Variants in C12orf42 observed in about 807,000 individuals in gnomAD.
The protein encoded by C12orf42 is uncharacterized protein C12orf42.
A neutral mutation model predicts 21.6 loss-of-function variants in C12orf42; 25 were observed. The observed-to-expected ratio is 1.16, with a 90% CI of 0.84 to 1.62. The LOEUF (loss-of-function observed/expected upper bound fraction) is 1.62. Ranked by LOEUF, C12orf42 falls within the 40% of genes most tolerant of loss-of-function variation. C12orf42 has a pLI of 0.00. For synonymous variants in C12orf42, 174 were observed against 175.0 expected, an observed-to-expected ratio of 0.99 and a Z score of 0.05; for missense variants, 483 against 459.3, an observed-to-expected ratio of 1.05 and a Z score of -0.47.
At chr12:103,481,122 CTTT>C (rs1463386677) in intron 1 of C12orf42, among the ~76,000 whole-genome samples, 1 of 151,726 alleles carries the variant, frequency 6.6e-6, no homozygotes, top group Non-Finnish European at 1.5e-5. Context: ...TAGCTTTCTT[CTTT>C]ATCTCTACCA....
the C12orf42 span, among the ~76,000 whole-genome samples, chr12:103,112,188 G>A: frequency 7.9e-5 from 12 of 152,194 alleles, no homozygotes; most frequent in Admixed American, 6.5e-5. Flanking sequence ...AGGAGGCCTG[G>A]CCAGGATGAG....
At chr12:103,189,531 AG>A in the C12orf42 span, among the ~76,000 whole-genome samples, 4 of 152,252 alleles carry the variant, frequency 2.6e-5, no homozygotes, top group Non-Finnish European at 5.9e-5. Context: ...TGAAGAGTGT[AG>A]GAAGGACAGT....
chr12:103,524,631 T>C, the C12orf42 span, among the ~76,000 whole-genome samples: 1 of 152,222 alleles, frequency 6.6e-6, no homozygotes. Flanking sequence ...TTATTTGAAA[T>C]GTGTAATCCA....
At chr12:103,051,937 A>T in the C12orf42 span, among the ~76,000 whole-genome samples, 2 of 152,282 alleles carry the variant, frequency 1.3e-5, no homozygotes, top group South Asian at 4.1e-4. Flanking sequence ...CTATTTCTAA[A>T]CTTCATTAAA....
At chr12:103,551,951 A>C in the C12orf42 span, among the ~76,000 whole-genome samples, 1 of 152,222 alleles carries the variant, frequency 6.6e-6, no homozygotes, top group South Asian at 2.1e-4. Flanking sequence ...AGTGAGATTT[A>C]TACAGACTTT....
At chr12:103,112,157 G>T in the C12orf42 span, among the ~76,000 whole-genome samples, 4 of 152,310 alleles carry the variant, frequency 2.6e-5, no homozygotes, top group Non-Finnish European at 5.9e-5. Flanking sequence ...GTGTTTTCTA[G>T]CCTGTGGATG....
In C12orf42 at chr12:103,482,298, C is replaced by A. The variant is rs149122378; in HGVS notation, c.-21-3851G>T. ...GAAACGTCTTTATTTTATCCTTGCACTTGAATATAGTTTTGCTGGGTGTGC... is the reference window on the plus strand; with the variant it reads ...GAAACGTCTTTATTTTATCCTTGCAATTGAATATAGTTTTGCTGGGTGTGC... On this transcript the variant is annotated intron_variant, in intron 1 of 5. Transcript: ENST00000548883. Among the ~76,000 whole-genome samples the A allele has an allele frequency of 2.0e-4, 31 of 152,164 alleles. No homozygotes were observed. The East Asian group carries it at 6.0e-3, about 29-fold the overall frequency.
the C12orf42 span, among the ~76,000 whole-genome samples, chr12:103,220,675 A>G: frequency 2.7e-4 from 39 of 144,332 alleles, no homozygotes; most frequent in African/African-American, 9.7e-4. Context: ...TTTGACGACC[A>G]TTGCTTTTGA....
At chr12:103,473,903 T>A (rs1448707335) in intron 2 of C12orf42, among the ~76,000 whole-genome samples, 4 of 152,226 alleles carry the variant, frequency 2.6e-5, no homozygotes, top group African/African-American at 9.7e-5. Context: ...TAAATACTGG[T>A]TAATTTTAAA....
intron 3 of C12orf42, among the ~76,000 whole-genome samples, chr12:103,381,964 T>C (rs903342809): frequency 6.6e-6 from 1 of 151,164 alleles, no homozygotes; most frequent in African/African-American, 2.4e-5. Context: ...AGTCTCCTCA[T>C]CTGTACAGTG....
chr12:103,194,819 G>A, the C12orf42 span, among the ~76,000 whole-genome samples: 5 of 152,224 alleles, frequency 3.3e-5, no homozygotes, highest in East Asian at 7.7e-4. Flanking sequence ...TTTTGTTTCA[G>A]GAAGTACATG....
chr12:103,051,534 A>C, the C12orf42 span, among the ~76,000 whole-genome samples: 9 of 152,356 alleles, frequency 5.9e-5, no homozygotes, highest in South Asian at 4.1e-4. Flanking sequence ...CTATTGTCAC[A>C]TAAAATGTAA....
the C12orf42 span, among the ~76,000 whole-genome samples, chr12:103,510,530 T>C: frequency 6.6e-6 from 1 of 151,646 alleles, no homozygotes; most frequent in African/African-American, 2.4e-5. Context: ...AAAACAAAAG[T>C]AAAAAAAATA....
chr12:103,224,251 G>A, the C12orf42 span, among the ~76,000 whole-genome samples: 25 of 152,110 alleles, frequency 1.6e-4, no homozygotes, highest in Admixed American at 3.3e-4. Context: ...GAAGGGAGGC[G>A]GCCTGAATAA....
the C12orf42 span, among the ~76,000 whole-genome samples, chr12:103,524,695 C>T: frequency 1.3e-5 from 2 of 152,146 alleles, no homozygotes; most frequent in African/African-American, 2.4e-5. Context: ...CAAGGTAGCC[C>T]ATGATGAATA....
chr12:103,544,084 T>C, the C12orf42 span, among the ~76,000 whole-genome samples: 1 of 152,022 alleles, frequency 6.6e-6, no homozygotes, highest in Admixed American at 6.5e-5. Context: ...TTTTTTTTAG[T>C]AGAGACGGGA....
At chr12:103,114,874 T>C in the C12orf42 span, among the ~76,000 whole-genome samples, 3 of 152,252 alleles carry the variant, frequency 2.0e-5, no homozygotes, top group Non-Finnish European at 4.4e-5. Flanking sequence ...AGAGGATTCA[T>C]GGAAATGACT....
the C12orf42 span, among the ~76,000 whole-genome samples, chr12:103,125,518 A>T: frequency 0.33 from 50,780 of 151,826 alleles, 8,930 homozygotes; most frequent in East Asian, 0.48. Flanking sequence ...GCATTTTTTT[A>T]AAAAAGCTAT....
the C12orf42 span, among the ~76,000 whole-genome samples, chr12:103,520,744 A>G: frequency 4.9e-3 from 747 of 152,362 alleles, 4 homozygotes; most frequent in African/African-American, 0.017. Context: ...GGCCTGAGCC[A>G]GAAGCTATTA....
Sources: allele counts gnomAD v4.1 joint callset (sites outside exome capture counted in the v4.1 genomes callset), GRCh38; gene constraint gnomAD v4.1.1; transcripts MANE v1.5; gene names NCBI Gene and HGNC (gene_info 2026-07-23, HGNC 2026-07-21).